Variants in MMP14 observed in about 807,000 individuals in gnomAD.
MMP14 encodes matrix metallopeptidase 14.
In MMP14, 13 loss-of-function variants were observed where a neutral mutation model predicts 64.8. The ratio of observed to expected loss-of-function variants is 0.20; its 90% CI spans 0.13 to 0.32. The LOEUF (loss-of-function observed/expected upper bound fraction) is 0.32, where lower values mean the gene tolerates loss of function less well. MMP14 is among the 10% of genes least tolerant of loss of function. The pLI, the probability that MMP14 is intolerant of heterozygous loss-of-function variation, is 1.00. For missense variants in MMP14, 594 were observed against 783.8 expected (o/e 0.76, Z 2.89); for synonymous variants, 322 against 315.9 (o/e 1.02, Z -0.20).
chr14:22,839,411 G>A (rs1229729935), intron 1 of MMP14, among the ~76,000 whole-genome samples: 1 of 152,236 alleles, frequency 6.6e-6, no homozygotes, highest in South Asian at 2.1e-4. Flanking sequence ...GAGCAGCCCC[G>A]GACTGGTGTG....
At chr14:22,844,256 G>T in intron 6 of MMP14, 115 bp from the exon 7 acceptor site, 1 of 1,471,940 alleles carries the variant, frequency 6.8e-7, no homozygotes, top group Non-Finnish European at 9.2e-7. Context: ...AGTGACAACA[G>T]CTGGACTAAA....
chr14:22,839,962 C>CTTTTTTT lies in MMP14; in HGVS notation c.109-1511_109-1505dup, dbSNP rs577502772. On this transcript the variant is annotated intron_variant, in intron 1 of 9. Transcript: ENST00000311852. The stretch of plus-strand genomic sequence containing the variant: ...TTCATATATAACTTGGCTTGTTTTA[C>CTTTTTTT]TTTTTTTTTTTTTTTTTTTTTTTTG... Among the ~76,000 whole-genome samples, 29 of 90,802 alleles carry CTTTTTTT rather than the reference C, an allele frequency of 3.2e-4. 1 individual carries two copies. The highest frequency in any genetic ancestry group is 1.1e-3 in the African/African-American group (21 of 19,520). 59.6% of individuals were successfully genotyped at this position (90,802 alleles called of 152,430 possible).
rs550969666 is a variant in MMP14, at chr14:22,845,596, G to A, written c.1418-112G>A. The A allele has an allele frequency of 5.0e-4, 579 of 1,156,848 alleles. 3 individuals carry two copies. Among genetic ancestry groups the A allele is most frequent in the Non-Finnish European group, 1.3e-4 (105 of 796,156 alleles). 71.7% of individuals were successfully genotyped at this position (1,156,848 alleles called of 1,614,324 possible). A position where few individuals can be genotyped will look rare whatever the true frequency, so the allele number is the denominator to read the frequency against. On this transcript the variant is annotated intron_variant, in intron 9 of 9. Coordinates refer to ENST00000311852, the MANE Select transcript of MMP14 (RefSeq NM_004995.4). ...TACAGCTGAGGAAGCTGATGCTCAC[G>A]AAGGTGGAGGGAAGCTCAGCTGCCC...
chr14:22,846,223 T>G lies in MMP14; in HGVS notation c.*184T>G. 1 of 612,998 alleles carries G rather than the reference T, an allele frequency of 1.6e-6. No homozygotes were observed. Among genetic ancestry groups the G allele is most frequent in the South Asian group, 2.2e-5 (1 of 45,880 alleles). 38.0% of individuals were successfully genotyped at this position (612,998 alleles called of 1,614,324 possible). On this transcript the variant is annotated 3_prime_UTR_variant, in exon 10 of 10. Coordinates refer to ENST00000311852, the MANE Select transcript of MMP14 (RefSeq NM_004995.4). ...CGCCTCCCTCCCTCCTGCCCCGGCA[T>G]TGCATCTTCCCTAGATAGGTCCCCT...
intron 1 of MMP14, chr14:22,837,216 C>G (rs1207620488): frequency 1.7e-6 from 1 of 601,726 alleles, no homozygotes; most frequent in East Asian, 3.6e-5. Context: ...GCGAACTCCC[C>G]CTTCCCCGAT....
chr14:22,836,933 A>C lies in MMP14; in HGVS notation c.108+8A>C, dbSNP rs1486519352. 6.2e-7 allele frequency: 1 copy of C among 1,610,588 alleles called. No homozygotes were observed. Among genetic ancestry groups the C allele is most frequent in the Non-Finnish European group, 8.5e-7 (1 of 1,177,976 alleles). On this transcript the variant is annotated splice_region_variant and intron_variant, in intron 1 of 9. Coordinates refer to ENST00000311852, the MANE Select transcript of MMP14 (RefSeq NM_004995.4). ...AGCAGCTTCAGCCCCGAAGTAAGTG[A>C]GCTTCCCGGCCCTTCCCGGAGTCGC...
chr14:22,844,936 C>A (rs1297453832), intron 8 of MMP14, among the ~76,000 whole-genome samples, 156 bp downstream of exon 8: 2 of 152,140 alleles, frequency 1.3e-5, no homozygotes, highest in East Asian at 3.9e-4. Flanking sequence ...GGGCAGCCTC[C>A]TTTGGGCACC....
rs2039778762 is a variant in MMP14 at position 22,842,333 on chromosome 14, G to C, written c.381-77G>C. 2 of 1,507,108 alleles carry C rather than the reference G, an allele frequency of 1.3e-6. No homozygotes were observed. The highest frequency in any genetic ancestry group is 1.8e-6 in the Non-Finnish European group (2 of 1,107,236). The allele number at this position is 1,507,108 out of a possible 1,614,324, so 93.4% of individuals were successfully genotyped here. A position where few individuals can be genotyped will look rare whatever the true frequency, so the allele number is the denominator to read the frequency against. On this transcript the variant is annotated intron_variant, in intron 3 of 9. Transcript: ENST00000311852. This position sits in a 1 kb window ranked among gnomAD's most constrained non-coding sequence, Gnocchi z 5.3. ...GGCTGGGCCGCGCAGTCAGACCTGG[G>C]AGAGTGCAGGGAAGGAGAATGTTGC...
intron 1 of MMP14, chr14:22,837,517 C>T: frequency 2.6e-6 from 1 of 385,414 alleles, no homozygotes; most frequent in South Asian, 1.8e-5. Flanking sequence ...TGTCCCTACC[C>T]GCATCCCTGG....
At chr14:22,844,806 G>A (rs1243615330) in intron 8 of MMP14, 26 bp downstream of exon 8, 1 of 1,613,102 alleles carries the variant, frequency 6.2e-7, no homozygotes, top group Admixed American at 1.7e-5. Context: ...CTTAACCCCA[G>A]GCCTCCCTCA....
intron 1 of MMP14, among the ~76,000 whole-genome samples, chr14:22,841,279 T>C (rs1396523589): frequency 6.6e-6 from 1 of 152,204 alleles, no homozygotes; most frequent in African/African-American, 2.4e-5. Flanking sequence ...TTTGGGCCCA[T>C]AGCCCCGAGG....
At position 22,842,580 on chromosome 14, in the gene MMP14, G is replaced by A; in HGVS notation, c.551G>A (p.Gly184Asp). The change falls in exon 4 of 10, where the codon GGC (glycine) becomes GAC (aspartate). Residue 184 changes from glycine (G) to aspartate (D), a missense_variant. Physicochemically the swap from Gly to Asp is moderately conservative, Grantham distance 94 (BLOSUM62 -1). This residue lies in a region of MMP14 where 179 missense variants were observed against 283.4 expected (regional missense o/e 0.63). Transcript: ENST00000311852. This position sits in a 1 kb window ranked among gnomAD's most constrained non-coding sequence, Gnocchi z 5.3. ...GACATCATGATCTTCTTTGCCGAGG[G>A]CTTCCATGGCGACAGCACGCCCTTC... ...QADIMIFFAEGFHGDSTPFDG... is the reference protein window; with the variant it reads ...QADIMIFFAEDFHGDSTPFDG... The A allele has an allele frequency of 6.2e-7, 1 of 1,614,214 alleles. No homozygotes were observed. The highest frequency in any genetic ancestry group is 2.2e-5 in the East Asian group (1 of 44,882).
At position 22,836,856 on chromosome 14, in the gene MMP14, C is replaced by G. The variant is rs1198234723; in HGVS notation, c.39C>G (p.Leu13=). The change falls in exon 1 of 10, where the codon CTC becomes CTG. Residue 13 remains leucine (L), a synonymous_variant. Coordinates refer to ENST00000311852, the MANE Select transcript of MMP14 (RefSeq NM_004995.4). ...PAPRPPRCLL[L]PLLTLGTALA... Reference sequence around the variant, plus strand: ...CAAGACCCCCCCGTTGTCTCCTGCTCCCCCTGCTCACGCTCGGCACCGCGC... The same window carrying G: ...CAAGACCCCCCCGTTGTCTCCTGCTGCCCCTGCTCACGCTCGGCACCGCGC... 1.9e-6 allele frequency: 3 copies of G among 1,613,304 alleles called. No individual in the cohort carries two copies. Among genetic ancestry groups the G allele is most frequent in the East Asian group, 2.2e-5 (1 of 44,870 alleles).
chr14:22,845,999 G>T lies in MMP14; in HGVS notation c.1709G>T (p.Arg570Leu). 1 of 1,534,298 alleles carries T rather than the reference G, an allele frequency of 6.5e-7. No individual in the cohort carries two copies. The highest frequency in any genetic ancestry group is 8.8e-7 in the Non-Finnish European group (1 of 1,137,978). The change falls in exon 10 of 10, where the codon CGA becomes CTA. Residue 570 changes from arginine (R) to leucine (L), a missense_variant. Coordinates refer to ENST00000311852, the MANE Select transcript of MMP14 (RefSeq NM_004995.4). Reference sequence around the variant, plus strand: ...TTCAGACGCCATGGGACCCCCAGGCGACTGCTCTACTGCCAGCGTTCCCTG... The same window carrying T: ...TTCAGACGCCATGGGACCCCCAGGCTACTGCTCTACTGCCAGCGTTCCCTG... ...FFFRRHGTPR[R>L]LLYCQRSLLD...
chr14:22,838,106 G>A (rs2039748041), intron 1 of MMP14, among the ~76,000 whole-genome samples: 1 of 152,212 alleles, frequency 6.6e-6, no homozygotes, highest in African/African-American at 2.4e-5. Flanking sequence ...TATGGCCCCA[G>A]GAATCGGGGT....
chr14:22,844,932 C>G (rs1318573798), intron 8 of MMP14, 152 bp downstream of exon 8: 1 of 1,107,352 alleles, frequency 9.0e-7, no homozygotes, highest in Non-Finnish European at 1.3e-6. Flanking sequence ...AAATGGGCAG[C>G]CTCCTTTGGG....
Position 22,843,527 on chromosome 14 carries a change from C to A in MMP14, c.850+109C>A. On this transcript the variant is annotated intron_variant, in intron 5 of 9. Transcript: ENST00000311852. This position sits in a 1 kb window ranked among gnomAD's most constrained non-coding sequence, Gnocchi z 4.8. ...CAGTCTCCGCACCGCCCCCTGCCAA[C>A]CTGCCCCTGCCTCTATCAGCTCCAC... The A allele has an allele frequency of 7.0e-7, 1 of 1,421,920 alleles. No homozygotes were observed. The allele number at this position is 1,421,920 out of a possible 1,614,324, so 88.1% of individuals were successfully genotyped here. A position where few individuals can be genotyped will look rare whatever the true frequency, so the allele number is the denominator to read the frequency against.
intron 1 of MMP14, among the ~76,000 whole-genome samples, chr14:22,839,493 C>G (rs888246630): frequency 1.3e-5 from 2 of 152,204 alleles, no homozygotes; most frequent in African/African-American, 4.8e-5. Flanking sequence ...GAGGGGCTCT[C>G]AGAGCCTCAG....
intron 2 of MMP14, 76 bp from the exon 3 acceptor site, chr14:22,841,837 C>T (rs994706187): frequency 3.1e-6 from 5 of 1,602,440 alleles, no homozygotes; most frequent in Admixed American, 1.7e-5. Context: ...GCAAGTCTTA[C>T]CCAACACTGA....
Sources: allele counts gnomAD v4.1 joint callset (sites outside exome capture counted in the v4.1 genomes callset), GRCh38; gene constraint gnomAD v4.1.1; regional missense constraint gnomAD v4.1.1; non-coding constraint Gnocchi (gnomAD v3.1); transcripts MANE v1.5; gene names NCBI Gene and HGNC (gene_info 2026-07-23, HGNC 2026-07-21).